Variants in NRXN1 observed in about 807,000 individuals in gnomAD.
The protein encoded by NRXN1 is neurexin-1.
A neutral mutation model predicts 150.9 loss-of-function variants in NRXN1; 39 were observed. That is an observed-to-expected ratio of 0.26 (90% CI 0.20 to 0.34). The LOEUF (loss-of-function observed/expected upper bound fraction) is 0.34. Among genes scored for constraint, NRXN1 ranks in the 10% least tolerant of loss-of-function variants. The probability of loss-of-function intolerance (pLI) is 1.00; values close to 1 mark genes in which losing one functional copy is unlikely to be tolerated. For missense variants in NRXN1, 1,815 were observed against 1,949.9 expected (o/e 0.93, Z 1.30); for synonymous variants, 924 against 757.0 (o/e 1.22, Z -3.62).
At chr2:50,322,433 A>G (rs992069616) in intron 17 of NRXN1, among the ~76,000 whole-genome samples, 2 of 152,194 alleles carry the variant, frequency 1.3e-5, no homozygotes, top group African/African-American at 4.8e-5. Flanking sequence ...TGATCCCTAG[A>G]AGATACCTTT....
intron 17 of NRXN1, among the ~76,000 whole-genome samples, chr2:50,323,592 T>TATATATATAA (rs1553443933): frequency 1.3e-5 from 2 of 150,280 alleles, no homozygotes; most frequent in African/African-American, 4.9e-5. Context: ...TATATATATA[T>TATATATATAA]AACTTAGCAG....
chr2:50,098,775 A>G (rs1187101195), intron 18 of NRXN1, among the ~76,000 whole-genome samples: 1 of 136,898 alleles, frequency 7.3e-6, no homozygotes, highest in Non-Finnish European at 1.6e-5. Flanking sequence ...GCACCCTTAG[A>G]GGATGAGTCA....
intron 17 of NRXN1, among the ~76,000 whole-genome samples, chr2:50,314,623 A>AT (rs11289257): frequency 6.6e-6 from 1 of 151,774 alleles, no homozygotes; most frequent in South Asian, 2.1e-4. Flanking sequence ...AAATGTCATT[A>AT]TTTTTTTAAT....
intron 5 of NRXN1, among the ~76,000 whole-genome samples, chr2:50,894,099 G>A (rs1323971859): frequency 6.6e-6 from 1 of 151,934 alleles, no homozygotes; most frequent in Non-Finnish European, 1.5e-5. Context: ...TGGGTTGGGG[G>A]GAGGGGGAAG....
chr2:50,778,484 A>G (rs899133763), intron 5 of NRXN1, among the ~76,000 whole-genome samples: 36 of 152,232 alleles, frequency 2.4e-4, no homozygotes, highest in African/African-American at 8.4e-4. Context: ...ATGGTAGCAT[A>G]CAATTAATTC....
chr2:50,407,079 T>C (rs2082798817), intron 17 of NRXN1, among the ~76,000 whole-genome samples: 1 of 152,174 alleles, frequency 6.6e-6, no homozygotes, highest in East Asian at 1.9e-4. Context: ...ATAGTAGTAA[T>C]GATATACATT....
At chr2:50,012,337 T>C (rs1685835087) in intron 21 of NRXN1, among the ~76,000 whole-genome samples, 1 of 152,118 alleles carries the variant, frequency 6.6e-6, no homozygotes, top group Non-Finnish European at 1.5e-5. Context: ...AATCTGATAT[T>C]TGTAGTAGTG....
At chr2:50,822,971 G>C (rs1397699390) in intron 5 of NRXN1, among the ~76,000 whole-genome samples, 1 of 152,168 alleles carries the variant, frequency 6.6e-6, no homozygotes, top group Non-Finnish European at 1.5e-5. Context: ...AAAGCAATGA[G>C]AGGGGCATAC....
intron 2 of NRXN1, among the ~76,000 whole-genome samples, chr2:51,013,575 A>C (rs1668226572): frequency 6.6e-6 from 1 of 151,800 alleles, no homozygotes; most frequent in Admixed American, 6.6e-5. Flanking sequence ...AAGTCCAATT[A>C]TTTACATAAC....
chr2:50,398,212 TA>T (rs1399814805), intron 17 of NRXN1, among the ~76,000 whole-genome samples: 1 of 152,148 alleles, frequency 6.6e-6, no homozygotes, highest in African/African-American at 2.4e-5. Flanking sequence ...AAATCTGCAT[TA>T]TTTTGCATTT....
intron 18 of NRXN1, among the ~76,000 whole-genome samples, chr2:50,196,606 C>T (rs2061783207): frequency 6.6e-6 from 1 of 152,206 alleles, no homozygotes; most frequent in Non-Finnish European, 1.5e-5. Context: ...GGCAGATATA[C>T]AGTTATATAT....
At chr2:50,576,838 G>A (rs1242889467) in intron 8 of NRXN1, among the ~76,000 whole-genome samples, 2 of 151,808 alleles carry the variant, frequency 1.3e-5, no homozygotes, top group Non-Finnish European at 2.9e-5. Context: ...CATCCCTCTG[G>A]CTTTTTCCCT....
intron 15 of NRXN1, among the ~76,000 whole-genome samples, chr2:50,474,436 G>C (rs1157821628): frequency 6.6e-6 from 1 of 151,690 alleles, no homozygotes; most frequent in Non-Finnish European, 1.5e-5. Context: ...ATGTCAAAGA[G>C]GGTGCTGATT....
chr2:50,506,841 A>C (rs1358173678), intron 12 of NRXN1: 1 of 522,092 alleles, frequency 1.9e-6, no homozygotes, highest in African/African-American at 1.9e-5. Context: ...GAAAATGACA[A>C]CTTTTACAAA....
At chr2:50,339,132 T>G (rs1173048417) in intron 17 of NRXN1, among the ~76,000 whole-genome samples, 1 of 152,202 alleles carries the variant, frequency 6.6e-6, no homozygotes, top group Non-Finnish European at 1.5e-5. Flanking sequence ...CATGGCATCA[T>G]GGCAGAAGTG....
chr2:50,135,721 CAAAACAAAAA>C (rs1706298590), intron 18 of NRXN1, among the ~76,000 whole-genome samples: 1 of 151,830 alleles, frequency 6.6e-6, no homozygotes, highest in African/African-American at 2.4e-5. Flanking sequence ...CAAAACAAAA[CAAAACAAAAA>C]AAGAAGCTGC....
At chr2:50,194,552 A>T (rs1366196425) in intron 18 of NRXN1, among the ~76,000 whole-genome samples, 2 of 152,146 alleles carry the variant, frequency 1.3e-5, no homozygotes, top group Non-Finnish European at 2.9e-5. Flanking sequence ...TACAATTCAT[A>T]CATGGACTAG....
At chr2:50,392,403 G>C (rs1398439205) in intron 17 of NRXN1, among the ~76,000 whole-genome samples, 1 of 152,082 alleles carries the variant, frequency 6.6e-6, no homozygotes, top group Non-Finnish European at 1.5e-5. Context: ...TGATAGCCCT[G>C]ACTGTAAAAC....
At chr2:50,185,427 G>C (rs1387091524) in intron 18 of NRXN1, 1 of 152,024 alleles carries the variant, frequency 6.6e-6, no homozygotes, top group Non-Finnish European at 1.5e-5. Context: ...ATGTAGTCAA[G>C]AAGTTCTCTC....
Sources: gnomAD v4.1 joint callset for allele counts (sites outside exome capture counted in the v4.1 genomes callset) on GRCh38, gnomAD v4.1.1 for gene constraint, MANE v1.5 for transcripts, NCBI Gene and HGNC (gene_info 2026-07-23, HGNC 2026-07-21) for gene names.